Variants in NXN observed in about 807,000 individuals in gnomAD.
The protein encoded by NXN is nucleoredoxin.
A neutral mutation model predicts 48.6 loss-of-function variants in NXN; 16 were observed. The ratio of observed to expected loss-of-function variants is 0.33; its 90% CI spans 0.22 to 0.50. NXN has a LOEUF of 0.50. Ranked by LOEUF, NXN falls within the 20% of genes least tolerant of loss-of-function variation. The pLI, the probability that NXN is intolerant of heterozygous loss-of-function variation, is 0.98. For missense variants in NXN, 492 were observed against 605.5 expected (o/e 0.81, Z 1.97); for synonymous variants, 281 against 269.6 (o/e 1.04, Z -0.41).
chr17:896,405 G>A (rs1185856958), intron 1 of NXN, among the ~76,000 whole-genome samples: 1 of 151,846 alleles, frequency 6.6e-6, no homozygotes, highest in Non-Finnish European at 1.5e-5. Context: ...TAACTACTCG[G>A]GAGGCTGAGG....
chr17:879,522 A>T (rs1263883206), intron 1 of NXN, among the ~76,000 whole-genome samples: 1 of 151,694 alleles, frequency 6.6e-6, no homozygotes, highest in Non-Finnish European at 1.5e-5. Flanking sequence ...CCTGACCTCA[A>T]ATGATCCACC....
chr17:806,714 C>CG (rs1310348473), intron 5 of NXN, among the ~76,000 whole-genome samples: 5 of 152,210 alleles, frequency 3.3e-5, no homozygotes, highest in African/African-American at 1.2e-4. Context: ...CCTTCCCTGT[C>CG]GGGGGGATGC....
At position 919,872 on chromosome 17, in the gene NXN, T is replaced by C. The variant is rs1199684843; in HGVS notation, c.360+59447A>G. Among the ~76,000 whole-genome samples, 2 of 152,052 alleles carry C rather than the reference T, an allele frequency of 1.3e-5. No individual in the cohort carries two copies. The highest frequency in any genetic ancestry group is 2.1e-4 in the South Asian group (1 of 4,808). ...CTAGCTACATAGCTACACCTCCCTC[T>C]TGTCACCTTGCAGACTGGTATTCAC... On this transcript the variant is annotated intron_variant, in intron 1 of 7. Coordinates refer to ENST00000336868, the MANE Select transcript of NXN (RefSeq NM_022463.5). This position sits in a 1 kb window ranked among gnomAD's most constrained non-coding sequence, Gnocchi z 5.1.
chr17:852,617 T>C (rs2067936065), intron 1 of NXN, among the ~76,000 whole-genome samples: 2 of 152,000 alleles, frequency 1.3e-5, no homozygotes, highest in Non-Finnish European at 2.9e-5. Flanking sequence ...TGGAAGCGGA[T>C]ATGGAGCAGA....
chr17:832,149 C>T (rs938050297), intron 1 of NXN, among the ~76,000 whole-genome samples: 5 of 150,940 alleles, frequency 3.3e-5, no homozygotes, highest in Admixed American at 2.0e-4. Context: ...ACCCTTCAAA[C>T]GTAAGCATGT....
In NXN at chr17:932,544, C is replaced by G. The variant is rs917275071; in HGVS notation, c.360+46775G>C. On this transcript the variant is annotated intron_variant, in intron 1 of 7. Transcript: ENST00000336868. The surrounding 1 kb of genome is among the most constrained non-coding windows in gnomAD (Gnocchi z 4.1). ...GAGTAAGGCAGCTTCAGGGGAAGGC[C>G]TGAGCCCCTTCTAAGAAAACACAGG... is the stretch of plus-strand genomic sequence containing the variant. Among the ~76,000 whole-genome samples the G allele has an allele frequency of 6.6e-6, 1 of 152,226 alleles. No individual in the cohort carries two copies. The highest frequency in any genetic ancestry group is 1.9e-4 in the East Asian group (1 of 5,198).
At chr17:878,297 G>C (rs896483625) in intron 1 of NXN, 2 of 150,880 alleles carry the variant, frequency 1.3e-5, no homozygotes, top group African/African-American at 4.9e-5. Flanking sequence ...GATGTGTCTG[G>C]GGACCCTGGG....
At chr17:819,570 C>A in intron 4 of NXN, 25 bp from the exon 5 acceptor site, 1 of 1,524,406 alleles carries the variant, frequency 6.6e-7, no homozygotes, top group Non-Finnish European at 9.0e-7. Flanking sequence ...ACGTGGCGGG[C>A]AAGGCTCAGT....
chr17:962,575 A>G (rs2069250603), intron 1 of NXN, among the ~76,000 whole-genome samples: 1 of 152,186 alleles, frequency 6.6e-6, no homozygotes, highest in South Asian at 2.1e-4. Context: ...GATTTTAAAA[A>G]TGTGAATTGT....
chr17:955,134 C>T (rs1209187665), intron 1 of NXN, among the ~76,000 whole-genome samples: 1 of 151,302 alleles, frequency 6.6e-6, no homozygotes, highest in East Asian at 1.9e-4. Context: ...TGTGGTATTT[C>T]CCTCTTTTCC....
intron 1 of NXN, among the ~76,000 whole-genome samples, chr17:911,400 C>T (rs1031604289): frequency 7.3e-5 from 10 of 137,682 alleles, no homozygotes; most frequent in African/African-American, 1.4e-4. Context: ...AGTGCAGTGG[C>T]GCGATCTCGG....
At chr17:962,559 A>G (rs945813196) in intron 1 of NXN, among the ~76,000 whole-genome samples, 2 of 152,148 alleles carry the variant, frequency 1.3e-5, no homozygotes, top group African/African-American at 4.8e-5. Context: ...AAATAAATAA[A>G]TATTAGATTT....
chr17:948,217 G>A (rs561657308), intron 1 of NXN, among the ~76,000 whole-genome samples: 2 of 152,038 alleles, frequency 1.3e-5, no homozygotes, highest in African/African-American at 2.4e-5. Context: ...GTAATCTAGA[G>A]GTAATTTACA....
chr17:839,137 T>C (rs1913994241), intron 1 of NXN, among the ~76,000 whole-genome samples: 1 of 152,090 alleles, frequency 6.6e-6, no homozygotes. Flanking sequence ...CACTGCTTGG[T>C]TCATAGTGAG....
chr17:841,483 CCCCCTG>C (rs1914240074), intron 1 of NXN, among the ~76,000 whole-genome samples: 7 of 145,656 alleles, frequency 4.8e-5, no homozygotes, highest in South Asian at 2.2e-4. Context: ...CGAGCAGGTC[CCCCCTG>C]ACCACGGCGC....
intron 1 of NXN, among the ~76,000 whole-genome samples, chr17:923,695 G>A (rs1463464478): frequency 1.3e-5 from 2 of 152,186 alleles, no homozygotes; most frequent in Non-Finnish European, 2.9e-5. Flanking sequence ...GCTCTTGTAA[G>A]AAAACAGACA....
At chr17:896,276 G>T (rs2068484773) in intron 1 of NXN, among the ~76,000 whole-genome samples, 2 of 150,324 alleles carry the variant, frequency 1.3e-5, no homozygotes. Flanking sequence ...GGAGGCAGAG[G>T]TTGCAGTGAG....
chr17:840,949 C>G (rs916658421), intron 1 of NXN, among the ~76,000 whole-genome samples: 1 of 152,204 alleles, frequency 6.6e-6, no homozygotes, highest in Non-Finnish European at 1.5e-5. Flanking sequence ...GTTCTGGCAG[C>G]CCCCACTCCT....
chr17:802,583 G>A (rs778524522), intron 7 of NXN, among the ~76,000 whole-genome samples: 1 of 152,228 alleles, frequency 6.6e-6, no homozygotes, highest in Non-Finnish European at 1.5e-5. Flanking sequence ...TTTTCTCAGA[G>A]CCATTCTGCA....
Sources: gnomAD v4.1 joint callset for allele counts (sites outside exome capture counted in the v4.1 genomes callset) on GRCh38, gnomAD v4.1.1 for gene constraint, Gnocchi (gnomAD v3.1) non-coding constraint, MANE v1.5 for transcripts, NCBI Gene and HGNC (gene_info 2026-07-23, HGNC 2026-07-21) for gene names.